RAD51B: variants seen among roughly 807,000 people sequenced by gnomAD.
RAD51B encodes the protein RAD51 paralog B, also known as DNA repair protein RAD51 homolog 2.
RAD51B carries 38 observed loss-of-function variants against 42.2 expected under a neutral mutation model. The observed-to-expected ratio is 0.90, with a 90% CI of 0.70 to 1.18. RAD51B has a LOEUF of 1.18. RAD51B is among the 50% of genes most tolerant of loss of function. The pLI is 0.00. For missense variants in RAD51B, 373 were observed against 400.7 expected (o/e 0.93, Z 0.59); for synonymous variants, 154 against 145.2 (o/e 1.06, Z -0.43).
At chr14:68,587,086 T>G (rs1268325852) in intron 10 of RAD51B, among the ~76,000 whole-genome samples, 2 of 151,722 alleles carry the variant, frequency 1.3e-5, no homozygotes, top group Non-Finnish European at 2.9e-5. Context: ...CCAGGGATCC[T>G]GCTCTCTGCT....
chr14:68,185,711 A>G (rs1291184243), intron 7 of RAD51B, among the ~76,000 whole-genome samples: 1 of 152,116 alleles, frequency 6.6e-6, no homozygotes, highest in Non-Finnish European at 1.5e-5. Flanking sequence ...GTTCCACTTC[A>G]GATCATCAGG....
At chr14:68,034,138 AT>A (rs1360895858) in intron 7 of RAD51B, among the ~76,000 whole-genome samples, 1 of 152,178 alleles carries the variant, frequency 6.6e-6, no homozygotes, top group East Asian at 1.9e-4. Context: ...TGGATAAAAA[AT>A]AATTGGAAAT....
intron 7 of RAD51B, among the ~76,000 whole-genome samples, chr14:68,279,266 C>T (rs1186045871): frequency 1.3e-5 from 2 of 152,236 alleles, no homozygotes; most frequent in African/African-American, 4.8e-5. Context: ...TGCTTGTCCT[C>T]TCATTCCAAA....
intron 10 of RAD51B, chr14:68,468,470 A>C: frequency 1.6e-6 from 1 of 629,880 alleles, no homozygotes; most frequent in East Asian, 2.9e-5. Flanking sequence ...AGACCTACAG[A>C]ATTTCCTAAC....
chr14:68,459,797 A>T, intron 9 of RAD51B, among the ~76,000 whole-genome samples: 1 of 152,212 alleles, frequency 6.6e-6, no homozygotes, highest in Non-Finnish European at 1.5e-5. Context: ...GATAGCAGGG[A>T]TAGAAAGAAA....
chr14:67,825,078 CAAAAAAAAA>C (rs56227529), intron 2 of RAD51B, among the ~76,000 whole-genome samples: 10 of 50,558 alleles, frequency 2.0e-4, no homozygotes, highest in South Asian at 1.3e-3. Flanking sequence ...ACTCTTGTCT[CAAAAAAAAA>C]AAAAAAAAAA....
intron 7 of RAD51B, among the ~76,000 whole-genome samples, chr14:68,187,225 G>A (rs1156665611): frequency 6.6e-6 from 1 of 152,112 alleles, no homozygotes; most frequent in African/African-American, 2.4e-5. Flanking sequence ...GAGGAATTGG[G>A]GAGAAGGGTT....
chr14:68,357,772 G>T (rs974660493), intron 8 of RAD51B, among the ~76,000 whole-genome samples: 1 of 152,050 alleles, frequency 6.6e-6, no homozygotes, highest in Non-Finnish European at 1.5e-5. Flanking sequence ...TCAATGGTGG[G>T]CTTAAAATAT....
intron 10 of RAD51B, among the ~76,000 whole-genome samples, chr14:68,592,356 A>T (rs982605854): frequency 1.3e-5 from 2 of 151,928 alleles, no homozygotes; most frequent in African/African-American, 4.8e-5. Flanking sequence ...TTGTAAGCGT[A>T]TGCACCCCAG....
chr14:68,435,449 G>T (rs930733933), intron 9 of RAD51B, among the ~76,000 whole-genome samples: 2 of 142,264 alleles, frequency 1.4e-5, no homozygotes, highest in African/African-American at 2.6e-5. Context: ...CTTTACTATT[G>T]TGAATAGTGC....
At chr14:67,921,457 A>C (rs551984556) in intron 7 of RAD51B, among the ~76,000 whole-genome samples, 1 of 152,254 alleles carries the variant, frequency 6.6e-6, no homozygotes, top group South Asian at 2.1e-4. Flanking sequence ...GTATAAGCAA[A>C]TATTTTTCCC....
At chr14:67,953,554 G>C (rs767798373) in intron 7 of RAD51B, among the ~76,000 whole-genome samples, 2 of 152,102 alleles carry the variant, frequency 1.3e-5, no homozygotes, top group Non-Finnish European at 2.9e-5. Context: ...TGATTAATGG[G>C]AAGGATATAG....
At chr14:68,413,310 G>A (rs893048177) in intron 9 of RAD51B, among the ~76,000 whole-genome samples, 2 of 152,204 alleles carry the variant, frequency 1.3e-5, no homozygotes, top group South Asian at 2.1e-4. Flanking sequence ...CAGGCCAGTG[G>A]TCATAAGGAG....
chr14:68,464,705 A>G (rs1387574751), intron 9 of RAD51B, among the ~76,000 whole-genome samples: 1 of 152,138 alleles, frequency 6.6e-6, no homozygotes, highest in East Asian at 1.9e-4. Context: ...AGTTTGTCAC[A>G]TTTTTTGCTG....
At chr14:68,340,476 C>G (rs2082550586) in intron 8 of RAD51B, among the ~76,000 whole-genome samples, 1 of 152,172 alleles carries the variant, frequency 6.6e-6, no homozygotes, top group African/African-American at 2.4e-5. Flanking sequence ...AGGGCTGCTA[C>G]CTGTGAGGTT....
chr14:68,209,929 A>G (rs1012375476), intron 7 of RAD51B, among the ~76,000 whole-genome samples: 1 of 150,942 alleles, frequency 6.6e-6, no homozygotes, highest in East Asian at 1.9e-4. Context: ...ATCAGGCTGT[A>G]TTAGTCTGAG....
chr14:68,072,386 C>A (rs1012453414), intron 7 of RAD51B, among the ~76,000 whole-genome samples: 35 of 151,810 alleles, frequency 2.3e-4, no homozygotes, highest in African/African-American at 8.2e-4. Flanking sequence ...GTCCAAGTCC[C>A]AAAACTGAAG....
Position 68,087,942 on chromosome 14 carries a change from TTATTA to T in RAD51B, c.756+200742_756+200746del, listed in dbSNP as rs1332265116. On this transcript the variant is annotated intron_variant, in intron 7 of 10. Transcript: ENST00000471583. ...ATATTATATATAATTATATAATTTA[TTATTA>T]TATATAATTATATAATTTATTATTA... Among the ~76,000 whole-genome samples, 608 of 76,560 alleles carry T rather than the reference TTATTA, an allele frequency of 7.9e-3. 2 individuals carry two copies. The highest frequency in any genetic ancestry group is 0.011 in the Non-Finnish European group (506 of 44,502). 50.2% of individuals were successfully genotyped at this position (76,560 alleles called of 152,430 possible).
At chr14:68,298,188 T>TG (rs1368872809) in intron 8 of RAD51B, among the ~76,000 whole-genome samples, 3 of 98,454 alleles carry the variant, frequency 3.0e-5, no homozygotes, top group Non-Finnish European at 5.0e-5. Flanking sequence ...AAATATTATG[T>TG]GAGTAGGGGA....
Sources: allele counts gnomAD v4.1 joint callset (sites outside exome capture counted in the v4.1 genomes callset), GRCh38; gene constraint gnomAD v4.1.1; transcripts MANE v1.5; gene names NCBI Gene and HGNC (gene_info 2026-07-23, HGNC 2026-07-21).